The following SEMA5A variants were observed in gnomAD, a reference collection of about 807,000 sequenced individuals.
The protein encoded by SEMA5A is semaphorin 5A.
In SEMA5A, 55 loss-of-function variants were observed where a neutral mutation model predicts 135.5. That is an observed-to-expected ratio of 0.41 (90% CI 0.33 to 0.51). The LOEUF is 0.51. SEMA5A is among the 20% of genes least tolerant of loss of function. The probability of loss-of-function intolerance (pLI) is 0.37; values close to 1 mark genes in which losing one functional copy is unlikely to be tolerated. For synonymous variants in SEMA5A, 580 were observed against 546.5 expected, an observed-to-expected ratio of 1.06 and a Z score of -0.85; for missense variants, 1,290 against 1,419.9, an observed-to-expected ratio of 0.91 and a Z score of 1.47.
At chr5:9,488,456 A>G (rs1462515633) in intron 1 of SEMA5A, among the ~76,000 whole-genome samples, 1 of 152,188 alleles carries the variant, frequency 6.6e-6, no homozygotes, top group Non-Finnish European at 1.5e-5. Flanking sequence ...TCTGGACATT[A>G]ATTTTGAACT....
intron 16 of SEMA5A, among the ~76,000 whole-genome samples, chr5:9,087,404 G>A (rs182409358): frequency 3.4e-4 from 51 of 152,206 alleles, no homozygotes; most frequent in Admixed American, 2.9e-3. Flanking sequence ...TTTAAAGACT[G>A]GGTCTTCATC....
At chr5:9,159,611 TA>T (rs1743137448) in intron 11 of SEMA5A, among the ~76,000 whole-genome samples, 1 of 152,132 alleles carries the variant, frequency 6.6e-6, no homozygotes, top group Non-Finnish European at 1.5e-5. Flanking sequence ...GGTGAAAATG[TA>T]AACAGTTCAA....
rs143664430 is a variant in SEMA5A, at chr5:9,380,684, C to G, written c.-77-661G>C. Among the ~76,000 whole-genome samples, 141 of 152,228 alleles carry G rather than the reference C, an allele frequency of 9.3e-4. 2 individuals carry two copies. The highest frequency in any genetic ancestry group is 3.3e-3 in the African/African-American group (136 of 41,532). ...TACTGGGTGAAATAAAAGTACTATG[C>G]TTGGAAACTTTAAAGATTATGAACA... On this transcript the variant is annotated intron_variant, in intron 2 of 22. Coordinates refer to ENST00000382496, the MANE Select transcript of SEMA5A (RefSeq NM_003966.3).
intron 1 of SEMA5A, among the ~76,000 whole-genome samples, chr5:9,476,508 C>T (rs1036150390): frequency 2.0e-5 from 3 of 152,046 alleles, no homozygotes; most frequent in Non-Finnish European, 2.9e-5. Flanking sequence ...TGCCTCCATG[C>T]CAGGTACCAG....
At chr5:9,520,622 CA>C (rs113030061) in intron 1 of SEMA5A, among the ~76,000 whole-genome samples, 2 of 152,288 alleles carry the variant, frequency 1.3e-5, no homozygotes, top group African/African-American at 4.8e-5. Flanking sequence ...GCCAGGAGAT[CA>C]AAGTCAGTGG....
At chr5:9,424,077 A>G (rs1757561732) in intron 2 of SEMA5A, among the ~76,000 whole-genome samples, 1 of 152,208 alleles carries the variant, frequency 6.6e-6, no homozygotes, top group Non-Finnish European at 1.5e-5. Flanking sequence ...TGGAAAAATC[A>G]TTATAACCTA....
chr5:9,431,822 T>C (rs971906345), intron 2 of SEMA5A, among the ~76,000 whole-genome samples: 6 of 152,174 alleles, frequency 3.9e-5, no homozygotes, highest in Non-Finnish European at 8.8e-5. Context: ...CTAATGGGTG[T>C]CTGAGAATAA....
At chr5:9,454,673 C>T (rs532551545) in intron 1 of SEMA5A, among the ~76,000 whole-genome samples, 2 of 152,228 alleles carry the variant, frequency 1.3e-5, no homozygotes, top group East Asian at 3.9e-4. Flanking sequence ...TAAAAAGGTC[C>T]AAAGCCCTCA....
At chr5:9,157,547 C>T (rs1743024225) in intron 11 of SEMA5A, among the ~76,000 whole-genome samples, 1 of 152,110 alleles carries the variant, frequency 6.6e-6, no homozygotes, top group African/African-American at 2.4e-5. Context: ...CCACCCGCCC[C>T]TGTCATCCCT....
chr5:9,195,397 C>A (rs920544518), intron 10 of SEMA5A, among the ~76,000 whole-genome samples: 1 of 152,146 alleles, frequency 6.6e-6, no homozygotes. Flanking sequence ...GTCTCGAAAT[C>A]CTGGCCTCAG....
At chr5:9,047,215 T>C (rs575779181) in intron 21 of SEMA5A, among the ~76,000 whole-genome samples, 1 of 152,342 alleles carries the variant, frequency 6.6e-6, no homozygotes, top group East Asian at 1.9e-4. Context: ...TACTTCCTGC[T>C]GCACCGGTAA....
At chr5:9,273,928 C>T (rs1750120663) in intron 5 of SEMA5A, among the ~76,000 whole-genome samples, 1 of 152,120 alleles carries the variant, frequency 6.6e-6, no homozygotes, top group South Asian at 2.1e-4. Context: ...GAAACGGCCT[C>T]AACTAACGGG....
intron 1 of SEMA5A, among the ~76,000 whole-genome samples, chr5:9,544,662 C>G (rs1378512973): frequency 1.3e-5 from 2 of 152,344 alleles, no homozygotes; most frequent in Non-Finnish European, 2.9e-5. Context: ...TGCCGGGAAT[C>G]CCGAGGACGC....
In SEMA5A at chr5:9,253,559, C is replaced by T. The variant is rs370751092; in HGVS notation, c.271-15669G>A. ...CAAAGACTTTATCAGTCTTCATAAC[C>T]ATTTTGATTGGTCTACCTCCTATGG... On this transcript the variant is annotated intron_variant, in intron 5 of 22. Coordinates refer to ENST00000382496, the MANE Select transcript of SEMA5A (RefSeq NM_003966.3). Among the ~76,000 whole-genome samples, 15 of 152,230 alleles carry T rather than the reference C, an allele frequency of 9.9e-5. No individual in the cohort carries two copies. The East Asian group carries it at 2.7e-3, about 27-fold the overall frequency.
intron 12 of SEMA5A, among the ~76,000 whole-genome samples, chr5:9,139,643 G>A (rs1242058816): frequency 6.6e-6 from 1 of 152,120 alleles, no homozygotes; most frequent in African/African-American, 2.4e-5. Flanking sequence ...TGGAAGGGGT[G>A]ATTTTTGCAT....
intron 11 of SEMA5A, among the ~76,000 whole-genome samples, chr5:9,168,429 C>T (rs1220947321): frequency 1.3e-5 from 2 of 152,178 alleles, no homozygotes; most frequent in African/African-American, 2.4e-5. Flanking sequence ...TGAGTCTTGA[C>T]TATTCTTTAA....
chr5:9,058,636 A>G (rs1007282656), intron 18 of SEMA5A, among the ~76,000 whole-genome samples: 3 of 152,238 alleles, frequency 2.0e-5, no homozygotes, highest in African/African-American at 7.2e-5. Context: ...AAGATTAAAA[A>G]CAATGGCAGT....
At chr5:9,473,049 T>C (rs1579597578) in intron 1 of SEMA5A, among the ~76,000 whole-genome samples, 1 of 149,440 alleles carries the variant, frequency 6.7e-6, no homozygotes, top group East Asian at 2.0e-4. Flanking sequence ...TTTTAAGTTG[T>C]TCATTCTTTT....
At chr5:9,420,150 T>C (rs914754469) in intron 2 of SEMA5A, among the ~76,000 whole-genome samples, 3 of 152,058 alleles carry the variant, frequency 2.0e-5, no homozygotes, top group African/African-American at 4.8e-5. Context: ...CAGGGGTGCT[T>C]CAAAAAATGT....
Sources: gnomAD v4.1 joint callset for allele counts (sites outside exome capture counted in the v4.1 genomes callset) on GRCh38, gnomAD v4.1.1 for gene constraint, MANE v1.5 for transcripts, NCBI Gene and HGNC (gene_info 2026-07-23, HGNC 2026-07-21) for gene names.